The following RGS12 variants were observed in gnomAD, a reference collection of about 807,000 sequenced individuals.
The protein encoded by RGS12 is regulator of G-protein signaling 12.
RGS12 carries 66 observed loss-of-function variants against 120.1 expected under a neutral mutation model. The observed-to-expected ratio is 0.55, with a 90% CI of 0.45 to 0.67. The LOEUF is 0.67. Ranked by LOEUF, RGS12 falls within the 30% of genes least tolerant of loss-of-function variation. The pLI is 0.00. For synonymous variants in RGS12, 827 were observed against 804.7 expected, an observed-to-expected ratio of 1.03 and a Z score of -0.47; for missense variants, 1,859 against 1,957.7, an observed-to-expected ratio of 0.95 and a Z score of 0.95.
intron 3 of RGS12, among the ~76,000 whole-genome samples, chr4:3,354,278 C>T (rs1714659574): frequency 6.6e-6 from 1 of 152,174 alleles, no homozygotes; most frequent in Non-Finnish European, 1.5e-5. Context: ...TTTACAAGTC[C>T]TGAGTGGGGC....
chr4:3,406,061 T>C (rs1406453239), intron 4 of RGS12, among the ~76,000 whole-genome samples: 6 of 152,104 alleles, frequency 3.9e-5, no homozygotes, highest in African/African-American at 1.4e-4. Flanking sequence ...CATCTGGGCT[T>C]CGGCCACTTG....
chr4:3,394,333 T>C (rs1719837565), intron 4 of RGS12, among the ~76,000 whole-genome samples: 1 of 152,142 alleles, frequency 6.6e-6, no homozygotes, highest in Admixed American at 6.5e-5. Flanking sequence ...TGGCTAATTT[T>C]TGTATTTTTA....
In RGS12 at chr4:3,430,587, A is replaced by G. The variant is rs769972526; in HGVS notation, c.3746A>G (p.Asn1249Ser). 1 of 1,612,630 alleles carries G rather than the reference A, an allele frequency of 6.2e-7. No homozygotes were observed. The highest frequency in any genetic ancestry group is 1.1e-5 in the South Asian group (1 of 91,068). The change falls in exon 17 of 18, where the codon AAC (asparagine) becomes AGC (serine). Residue 1249 changes from asparagine (N) to serine (S), a missense_variant. Around this residue, in one of 3 missense-constraint regions of RGS12, gnomAD observed 517 missense variants for 488.5 expected, o/e 1.06. Coordinates refer to ENST00000336727, the MANE Select transcript of RGS12 (RefSeq NM_001394154.1). The part of the protein sequence containing the change: ...KGFSKRSATG[N>S]GRESASQPGE... ...TTTAGCAAGAGAAGCGCCACAGGCAACGGCCGGGAGAGCGCCTCCCAGCCT... is the reference window on the plus strand; with the variant it reads ...TTTAGCAAGAGAAGCGCCACAGGCAGCGGCCGGGAGAGCGCCTCCCAGCCT...
chr4:3,314,602 C>T (rs990518080), intron 1 of RGS12: 1 of 152,176 alleles, frequency 6.6e-6, no homozygotes, highest in Non-Finnish European at 1.5e-5. Context: ...GACAAGGTTT[C>T]ACCGTGTTAG....
chr4:3,370,217 TTGAA>T (rs1345284732), intron 3 of RGS12: 2 of 1,603,408 alleles, frequency 1.2e-6, no homozygotes, highest in African/African-American at 2.7e-5. Flanking sequence ...AGCTGCGGTG[TTGAA>T]TGGTGTGTCT....
chr4:3,310,831 G>A (rs1460393486), intron 1 of RGS12, among the ~76,000 whole-genome samples: 2 of 152,166 alleles, frequency 1.3e-5, no homozygotes, highest in Non-Finnish European at 2.9e-5. Context: ...AGGTGGCGTG[G>A]TGTCTTGCTG....
Position 3,317,947 on chromosome 4 carries a change from CCCCCGCTGAATG to C in RGS12, c.1783_1794del (p.Leu595_Pro598del), listed in dbSNP as rs1560657812. 6.2e-7 allele frequency: 1 copy of C among 1,614,156 alleles called. No individual in the cohort carries two copies. The highest frequency in any genetic ancestry group is 8.5e-7 in the Non-Finnish European group (1 of 1,180,016). On this transcript the variant is annotated inframe_deletion, in exon 2 of 18. Coordinates refer to ENST00000336727, the MANE Select transcript of RGS12 (RefSeq NM_001394154.1). ...CAGGGTGGAGGGCAGCTTCGCGCAG[CCCCCGCTGAATG>C]CCCCGAAGAGGGAGTGGTCCAGGAA...
At chr4:3,351,772 G>C (rs1220681523) in intron 3 of RGS12, among the ~76,000 whole-genome samples, 1 of 152,098 alleles carries the variant, frequency 6.6e-6, no homozygotes, top group African/African-American at 2.4e-5. Context: ...CCACAGTATA[G>C]CTGGCCAGAG....
chr4:3,293,485 G>T (rs1379567287), intron 1 of RGS12, among the ~76,000 whole-genome samples: 1 of 151,712 alleles, frequency 6.6e-6, no homozygotes, highest in Non-Finnish European at 1.5e-5. Flanking sequence ...GCCCGGGAGC[G>T]CTGGGAGGGT....
At chr4:3,416,202 A>G (rs1722382988) in intron 7 of RGS12, 81 bp downstream of exon 7, 5 of 1,509,638 alleles carry the variant, frequency 3.3e-6, no homozygotes, top group East Asian at 2.3e-5. Flanking sequence ...AACACGTGCT[A>G]TCAGGCAGGC....
intron 2 of RGS12, among the ~76,000 whole-genome samples, chr4:3,328,288 G>A (rs572552533): frequency 3.9e-5 from 6 of 152,348 alleles, no homozygotes; most frequent in Non-Finnish European, 5.9e-5. Flanking sequence ...CTGAATGGGT[G>A]CAACGTATGT....
At chr4:3,360,739 C>G (rs1451645563) in intron 3 of RGS12, among the ~76,000 whole-genome samples, 1 of 152,166 alleles carries the variant, frequency 6.6e-6, no homozygotes. Flanking sequence ...TAGGAACTTG[C>G]ACTCATCAAA....
chr4:3,292,616 C>T (rs1262412693), upstream of RGS12, among the ~76,000 whole-genome samples: 2 of 152,332 alleles, frequency 1.3e-5, no homozygotes, highest in South Asian at 2.1e-4. Flanking sequence ...ACAGCCCAGG[C>T]AGGGGCGGCT....
intron 3 of RGS12, among the ~76,000 whole-genome samples, chr4:3,353,206 G>C (rs539954590): frequency 6.7e-4 from 102 of 152,336 alleles, no homozygotes; most frequent in African/African-American, 2.4e-3. Context: ...GAGGGTGGGA[G>C]GGTTAACGAG....
intron 17 of RGS12, among the ~76,000 whole-genome samples, chr4:3,435,569 TCTCCCCAGAGCC>T (rs1724727505): frequency 7.0e-5 from 9 of 128,530 alleles, no homozygotes; most frequent in Admixed American, 6.4e-4. Flanking sequence ...CAGAGCCCCG[TCTCCCCAGAGCC>T]CTGTCTCCCC....
At chr4:3,336,826 C>T (rs902739809) in intron 2 of RGS12, among the ~76,000 whole-genome samples, 29 of 152,214 alleles carry the variant, frequency 1.9e-4, no homozygotes, top group African/African-American at 6.7e-4. Flanking sequence ...ATCTGATATG[C>T]AGTTAATATG....
At chr4:3,428,736 A>G (rs748987955) in intron 16 of RGS12, 25 bp downstream of exon 16, 9 of 1,566,178 alleles carry the variant, frequency 5.7e-6, no homozygotes, top group Admixed American at 4.1e-5. Flanking sequence ...TAAAACTTCC[A>G]CGTTTTTAGT....
At position 3,374,301 on chromosome 4, in the gene RGS12, C is replaced by T. The variant is rs1368815878; in HGVS notation, c.1999-12115C>T. Among the ~76,000 whole-genome samples, 1 of 152,216 alleles carries T rather than the reference C, an allele frequency of 6.6e-6. No homozygotes were observed. Among genetic ancestry groups the T allele is most frequent in the African/African-American group, 2.4e-5 (1 of 41,464 alleles). ...GCAGCGCCCTCCGGGTTCCCCTCCT[C>T]TCCTCCGACTCCACTGGCTTTTCAC... On this transcript the variant is annotated intron_variant, in intron 3 of 17. Coordinates refer to ENST00000336727, the MANE Select transcript of RGS12 (RefSeq NM_001394154.1). This position sits in a 1 kb window ranked among gnomAD's most constrained non-coding sequence, Gnocchi z 6.3.
intron 2 of RGS12, among the ~76,000 whole-genome samples, chr4:3,319,773 A>G (rs902632722): frequency 2.6e-5 from 4 of 152,162 alleles, no homozygotes; most frequent in African/African-American, 9.6e-5. Context: ...GTCGTTCTGC[A>G]GCTGCACGTG....
Sources: allele counts gnomAD v4.1 joint callset (sites outside exome capture counted in the v4.1 genomes callset), GRCh38; gene constraint gnomAD v4.1.1; regional missense constraint gnomAD v4.1.1; non-coding constraint Gnocchi (gnomAD v3.1); transcripts MANE v1.5; gene names NCBI Gene and HGNC (gene_info 2026-07-23, HGNC 2026-07-21).